Variants in MECOM observed in about 807,000 individuals in gnomAD.
The protein encoded by MECOM is MDS1 and EVI1 complex locus.
MECOM carries 13 observed loss-of-function variants against 116.3 expected under a neutral mutation model. That is an observed-to-expected ratio of 0.11 (90% CI 0.07 to 0.18). MECOM has a LOEUF of 0.18. MECOM is among the 10% of genes least tolerant of loss of function. The probability of loss-of-function intolerance (pLI) is 1.00; values close to 1 mark genes in which losing one functional copy is unlikely to be tolerated. For synonymous variants in MECOM, 528 were observed against 535.2 expected, an observed-to-expected ratio of 0.99 and a Z score of 0.19; for missense variants, 1,299 against 1,509.0, an observed-to-expected ratio of 0.86 and a Z score of 2.31.
chr3:169,372,408 C>G (rs1216695748), intron 2 of MECOM, among the ~76,000 whole-genome samples: 2 of 151,992 alleles, frequency 1.3e-5, no homozygotes, highest in East Asian at 3.9e-4. Context: ...TGGCTTATCT[C>G]AGAGTATTAC....
In MECOM at chr3:169,183,761, T is replaced by C. The variant is rs61425855; in HGVS notation, c.376-39929A>G. Among the ~76,000 whole-genome samples the C allele has an allele frequency of 5.0e-3, 591 of 118,572 alleles. 7 individuals are homozygous for C. The highest frequency in any genetic ancestry group is 0.024 in the East Asian group (84 of 3,518). The allele number at this position is 118,572 out of a possible 152,430, so 77.8% of individuals were successfully genotyped here. A position where few individuals can be genotyped will look rare whatever the true frequency, so the allele number is the denominator to read the frequency against. On this transcript the variant is annotated intron_variant, in intron 2 of 16. Transcript: ENST00000651503. ...TTAAGGACTGTAGAAGATACATACATACACACACACACACACACACACACA... is the reference window on the plus strand; with the variant it reads ...TTAAGGACTGTAGAAGATACATACACACACACACACACACACACACACACA...
At chr3:169,547,117 G>A (rs1760811564) in intron 1 of MECOM, among the ~76,000 whole-genome samples, 1 of 152,176 alleles carries the variant, frequency 6.6e-6, no homozygotes, top group African/African-American at 2.4e-5. Context: ...GGAGGAACTT[G>A]TTGGGAGGTG....
At chr3:169,143,938 C>A in intron 2 of MECOM, 106 bp from the exon 3 acceptor site, 1 of 1,307,012 alleles carries the variant, frequency 7.7e-7, no homozygotes. Flanking sequence ...TTCTTTGGAT[C>A]CTTAAAAAAA....
At chr3:169,399,258 T>C (rs1735490820) in intron 1 of MECOM, among the ~76,000 whole-genome samples, 1 of 152,188 alleles carries the variant, frequency 6.6e-6, no homozygotes. Flanking sequence ...GAAAGTGTAA[T>C]ACAAAAATGT....
chr3:169,527,600 A>G (rs1249104804), intron 1 of MECOM, among the ~76,000 whole-genome samples: 1 of 152,160 alleles, frequency 6.6e-6, no homozygotes, highest in Non-Finnish European at 1.5e-5. Flanking sequence ...GTTTTTCTTA[A>G]TAATTCTGGC....
chr3:169,398,678 G>A (rs1189422341), intron 1 of MECOM, among the ~76,000 whole-genome samples: 1 of 152,202 alleles, frequency 6.6e-6, no homozygotes, highest in African/African-American at 2.4e-5. Context: ...CTCTGCTCCT[G>A]GTGAGGGCCT....
At chr3:169,625,726 T>C (rs1456190500) in intron 1 of MECOM, among the ~76,000 whole-genome samples, 1 of 152,230 alleles carries the variant, frequency 6.6e-6, no homozygotes, top group Admixed American at 6.5e-5. Flanking sequence ...AAGTTAATTG[T>C]TAAGGAAGGA....
chr3:169,364,541 C>T lies in MECOM; in HGVS notation c.375+16646G>A, dbSNP rs182263127. ...ATCAGCTTTTGACGGCTGCATCTCC[C>T]GTTATTTACACTCACCATCATGGTA... On this transcript the variant is annotated intron_variant, in intron 2 of 16. Transcript: ENST00000651503. 6.2e-3 allele frequency among the ~76,000 whole-genome samples: 937 copies of T among 152,052 alleles called. 9 individuals are homozygous for T. Among genetic ancestry groups the T allele is most frequent in the African/African-American group, 0.022 (909 of 41,498 alleles).
chr3:169,446,030 G>A (rs1173020451), intron 1 of MECOM, among the ~76,000 whole-genome samples: 1 of 152,156 alleles, frequency 6.6e-6, no homozygotes, highest in Non-Finnish European at 1.5e-5. Flanking sequence ...GATTTTACAG[G>A]CTCATAGGTG....
chr3:169,269,836 T>G (rs1458173006), intron 2 of MECOM, among the ~76,000 whole-genome samples: 1 of 152,216 alleles, frequency 6.6e-6, no homozygotes, highest in African/African-American at 2.4e-5. Flanking sequence ...TAAACACCTT[T>G]GGTTTCTTCA....
At chr3:169,317,825 A>C (rs944676742) in intron 2 of MECOM, among the ~76,000 whole-genome samples, 4 of 152,236 alleles carry the variant, frequency 2.6e-5, no homozygotes, top group African/African-American at 9.7e-5. Flanking sequence ...AGACAATCCT[A>C]AGCAAAAAGA....
At chr3:169,207,576 C>T (rs1207303162) in intron 2 of MECOM, among the ~76,000 whole-genome samples, 1 of 152,148 alleles carries the variant, frequency 6.6e-6, no homozygotes, top group Non-Finnish European at 1.5e-5. Flanking sequence ...CCTGAAAAAA[C>T]TACATATAAG....
At chr3:169,653,650 G>A (rs907116035) in intron 1 of MECOM, among the ~76,000 whole-genome samples, 1 of 152,162 alleles carries the variant, frequency 6.6e-6, no homozygotes, top group African/African-American at 2.4e-5. Flanking sequence ...GAGTAAACAA[G>A]GTAGGCTGAA....
chr3:169,322,572 T>G (rs1721038363), intron 2 of MECOM, among the ~76,000 whole-genome samples: 1 of 152,092 alleles, frequency 6.6e-6, no homozygotes, highest in African/African-American at 2.4e-5. Flanking sequence ...GTTTCCTCTT[T>G]GAGGAGTGAA....
chr3:169,453,243 T>C (rs948074577), intron 1 of MECOM, among the ~76,000 whole-genome samples: 19 of 152,226 alleles, frequency 1.2e-4, no homozygotes, highest in African/African-American at 4.3e-4. Context: ...CAAGCAACTA[T>C]ATTTATCCTG....
At chr3:169,552,642 GA>G (rs1761551000) in intron 1 of MECOM, among the ~76,000 whole-genome samples, 1 of 152,064 alleles carries the variant, frequency 6.6e-6, no homozygotes, top group African/African-American at 2.4e-5. Context: ...GTCCAAAGCT[GA>G]CACTCTTAAC....
chr3:169,338,069 G>T (rs891657257), intron 2 of MECOM, among the ~76,000 whole-genome samples: 4 of 152,126 alleles, frequency 2.6e-5, no homozygotes, highest in African/African-American at 9.7e-5. Context: ...CACTTATTTG[G>T]TTGCGATATA....
chr3:169,361,405 T>C (rs1430435), intron 2 of MECOM, among the ~76,000 whole-genome samples: 83,969 of 151,520 alleles, frequency 0.55, 23,843 homozygotes, highest in East Asian at 0.7. Flanking sequence ...AGCTCTAACC[T>C]AAAAGAATGA....
intron 2 of MECOM, among the ~76,000 whole-genome samples, chr3:169,366,353 A>G (rs1012995122): frequency 2.3e-4 from 35 of 151,892 alleles, no homozygotes; most frequent in Admixed American, 5.9e-4. Flanking sequence ...CAGGTCCAGG[A>G]TTTCCTACAT....
Sources: allele counts gnomAD v4.1 joint callset (sites outside exome capture counted in the v4.1 genomes callset), GRCh38; gene constraint gnomAD v4.1.1; transcripts MANE v1.5; gene names NCBI Gene and HGNC (gene_info 2026-07-23, HGNC 2026-07-21).